GPC5: variants seen among roughly 807,000 people sequenced by gnomAD.
GPC5 encodes the protein glypican-5.
In GPC5, 47 loss-of-function variants were observed where a neutral mutation model predicts 53.9. The ratio of observed to expected loss-of-function variants is 0.87; its 90% confidence interval spans 0.69 to 1.11. The LOEUF (loss-of-function observed/expected upper bound fraction) is 1.11, where lower values mean the gene tolerates loss of function less well. Ranked by LOEUF, GPC5 falls within the 50% of genes most tolerant of loss-of-function variation. The pLI is 0.00. For synonymous variants in GPC5, 286 were observed against 263.3 expected, an observed-to-expected ratio of 1.09 and a Z score of -0.84; for missense variants, 748 against 713.1, an observed-to-expected ratio of 1.05 and a Z score of -0.56.
intron 7 of GPC5, among the ~76,000 whole-genome samples, chr13:92,222,154 A>G (rs994293316): frequency 1.3e-5 from 2 of 152,130 alleles, no homozygotes; most frequent in East Asian, 3.9e-4. Context: ...CAATTCTATA[A>G]TCTGTAGGCA....
At chr13:92,740,748 G>C (rs2139310351) in intron 7 of GPC5, among the ~76,000 whole-genome samples, 1 of 151,776 alleles carries the variant, frequency 6.6e-6, no homozygotes, top group East Asian at 2.0e-4. Flanking sequence ...AACCAAGGTA[G>C]GAAAGTATTG....
At chr13:92,106,679 T>C (rs2041512884) in intron 6 of GPC5, among the ~76,000 whole-genome samples, 1 of 152,104 alleles carries the variant, frequency 6.6e-6, no homozygotes, top group African/African-American at 2.4e-5. Flanking sequence ...TGCAACTCTT[T>C]AGGTAATTGT....
At chr13:91,940,854 C>T (rs988859166) in intron 6 of GPC5, among the ~76,000 whole-genome samples, 3 of 151,530 alleles carry the variant, frequency 2.0e-5, no homozygotes, top group Non-Finnish European at 4.4e-5. Context: ...TTGTTTTTTG[C>T]TTGTTTATTT....
Position 91,689,188 on chromosome 13 carries a change from T to TATATAA in GPC5, c.326-3994_326-3993insAATATA, listed in dbSNP as rs1555338026. ...TGTCTCAAAAAATCATATATAAATA[T>TATATAA]ATATATATATATATATATATATATA... On this transcript the variant is annotated intron_variant, in intron 2 of 7. Coordinates refer to ENST00000377067, the MANE Select transcript of GPC5 (RefSeq NM_004466.6). Among the ~76,000 whole-genome samples the TATATAA allele has an allele frequency of 2.2e-4, 10 of 45,212 alleles. 1 individual carries two copies. The highest frequency in any genetic ancestry group is 3.6e-4 in the Non-Finnish European group (9 of 24,972). 29.7% of individuals were successfully genotyped at this position (45,212 alleles called of 152,430 possible).
chr13:91,886,066 T>C (rs1228239817), intron 5 of GPC5, among the ~76,000 whole-genome samples: 1 of 152,154 alleles, frequency 6.6e-6, no homozygotes, highest in East Asian at 1.9e-4. Flanking sequence ...ATTTTCATAC[T>C]GCTATAAAGA....
chr13:91,943,205 G>C (rs1363445249), intron 6 of GPC5, among the ~76,000 whole-genome samples: 1 of 152,002 alleles, frequency 6.6e-6, no homozygotes, highest in Non-Finnish European at 1.5e-5. Flanking sequence ...TGTAATTCTG[G>C]TATGACATTT....
intron 7 of GPC5, among the ~76,000 whole-genome samples, chr13:92,685,189 T>C (rs1887225801): frequency 6.6e-6 from 1 of 152,042 alleles, no homozygotes; most frequent in South Asian, 2.1e-4. Context: ...TCTCACGGGT[T>C]CAAGCAATTC....
At chr13:91,628,630 C>G (rs2034074790) in intron 2 of GPC5, among the ~76,000 whole-genome samples, 1 of 152,116 alleles carries the variant, frequency 6.6e-6, no homozygotes, top group Non-Finnish European at 1.5e-5. Flanking sequence ...TACTTGATAT[C>G]ACCCCTGGCT....
intron 7 of GPC5, among the ~76,000 whole-genome samples, chr13:92,843,674 G>A (rs1437092471): frequency 6.6e-6 from 1 of 151,980 alleles, no homozygotes; most frequent in Admixed American, 6.6e-5. Flanking sequence ...AAGGTTTCGT[G>A]GTTCATTAAC....
At chr13:92,569,097 T>C (rs1882946527) in intron 7 of GPC5, among the ~76,000 whole-genome samples, 1 of 100,776 alleles carries the variant, frequency 9.9e-6, no homozygotes, top group Non-Finnish European at 1.8e-5. Flanking sequence ...CCCACAACAG[T>C]CCCCAGAGTG....
intron 7 of GPC5, among the ~76,000 whole-genome samples, chr13:92,522,610 G>T (rs545404551): frequency 3.9e-5 from 6 of 152,186 alleles, no homozygotes; most frequent in African/African-American, 1.4e-4. Context: ...ACACACTGGG[G>T]CCTGTTGTGG....
At chr13:91,762,887 C>T (rs559029236) in intron 5 of GPC5, among the ~76,000 whole-genome samples, 5 of 152,244 alleles carry the variant, frequency 3.3e-5, no homozygotes, top group Admixed American at 3.3e-4. Flanking sequence ...TATGAATCCC[C>T]TCATTTGTGT....
In GPC5 at chr13:92,556,725, C is replaced by T. The variant is rs138862070; in HGVS notation, c.1562-309557C>T. Reference sequence around the variant, plus strand: ...AAATTACCTTTTTAGAAAGCCATTGCCCATCCAGAGAGCAATTAAATTTGT... The same window carrying T: ...AAATTACCTTTTTAGAAAGCCATTGTCCATCCAGAGAGCAATTAAATTTGT... On this transcript the variant is annotated intron_variant, in intron 7 of 7. Coordinates refer to ENST00000377067, the MANE Select transcript of GPC5 (RefSeq NM_004466.6). 2.4e-3 allele frequency among the ~76,000 whole-genome samples: 365 copies of T among 151,824 alleles called. 1 individual carries two copies. Among genetic ancestry groups the T allele is most frequent in the Non-Finnish European group, 4.3e-3 (291 of 67,860 alleles).
intron 5 of GPC5, among the ~76,000 whole-genome samples, chr13:91,865,251 G>A (rs1036589229): frequency 6.6e-6 from 1 of 152,018 alleles, no homozygotes; most frequent in African/African-American, 2.4e-5. Flanking sequence ...AATTGATTTT[G>A]TGGGATTACT....
intron 2 of GPC5, among the ~76,000 whole-genome samples, chr13:91,641,200 C>A (rs958657738): frequency 1.3e-5 from 2 of 151,542 alleles, no homozygotes; most frequent in African/African-American, 2.4e-5. Context: ...TGGTGGCGGG[C>A]GCCTGTAGTC....
chr13:92,576,015 C>T (rs1429393488), intron 7 of GPC5, among the ~76,000 whole-genome samples: 1 of 151,734 alleles, frequency 6.6e-6, no homozygotes, highest in South Asian at 2.1e-4. Context: ...GCTTCAATGG[C>T]CCCCATGCCA....
chr13:91,655,276 G>A (rs1408124220), intron 2 of GPC5, among the ~76,000 whole-genome samples: 7 of 152,088 alleles, frequency 4.6e-5, no homozygotes, highest in African/African-American at 1.7e-4. Flanking sequence ...ACAATTCTTA[G>A]GGAAAATTCT....
intron 7 of GPC5, among the ~76,000 whole-genome samples, chr13:92,378,788 T>C (rs777627495): frequency 6.6e-6 from 1 of 152,180 alleles, no homozygotes; most frequent in Non-Finnish European, 1.5e-5. Context: ...ACTGGGATAT[T>C]TTTTCCCAAG....
chr13:92,823,969 A>G (rs1329819152), intron 7 of GPC5, among the ~76,000 whole-genome samples: 2 of 151,712 alleles, frequency 1.3e-5, no homozygotes, highest in Admixed American at 1.3e-4. Flanking sequence ...TTTACTGATG[A>G]TTTGTTTTTC....
Sources: gnomAD v4.1 joint callset for allele counts (sites outside exome capture counted in the v4.1 genomes callset) on GRCh38, gnomAD v4.1.1 for gene constraint, MANE v1.5 for transcripts, NCBI Gene and HGNC (gene_info 2026-07-23, HGNC 2026-07-21) for gene names.